The following NEGR1 variants were observed in gnomAD, a reference collection of about 807,000 sequenced individuals.
The protein encoded by NEGR1 is neuronal growth regulator 1.
NEGR1 carries 10 observed loss-of-function variants against 40.9 expected under a neutral mutation model. The ratio of observed to expected loss-of-function variants is 0.24; its 90% CI spans 0.15 to 0.42. The LOEUF is 0.42. Among genes scored for constraint, NEGR1 ranks in the 10% least tolerant of loss-of-function variants. NEGR1 has a pLI of 1.00. For synonymous variants in NEGR1, 185 were observed against 166.8 expected, an observed-to-expected ratio of 1.11 and a Z score of -0.84; for missense variants, 352 against 438.9, an observed-to-expected ratio of 0.80 and a Z score of 1.77.
At chr1:71,454,161 G>T (rs1646653176) in intron 6 of NEGR1, among the ~76,000 whole-genome samples, 1 of 152,058 alleles carries the variant, frequency 6.6e-6, no homozygotes, top group Non-Finnish European at 1.5e-5. Flanking sequence ...GCAACTCTCT[G>T]TTCATTGGCA....
intron 6 of NEGR1, chr1:71,486,832 T>C (rs1248129588): frequency 2.0e-5 from 3 of 151,562 alleles, no homozygotes; most frequent in African/African-American, 7.3e-5. Context: ...ATACTGTAAA[T>C]AATACCTAAC....
chr1:71,849,725 A>G (rs925765507), intron 2 of NEGR1, among the ~76,000 whole-genome samples: 2 of 152,148 alleles, frequency 1.3e-5, no homozygotes, highest in African/African-American at 4.8e-5. Context: ...AGTCACCCCA[A>G]CCTTCAGCAA....
intron 2 of NEGR1, among the ~76,000 whole-genome samples, chr1:71,848,473 C>T (rs1285667160): frequency 6.6e-6 from 1 of 152,150 alleles, no homozygotes; most frequent in Non-Finnish European, 1.5e-5. Context: ...ATTTACCATT[C>T]TGAAAATCCA....
intron 1 of NEGR1, among the ~76,000 whole-genome samples, chr1:71,968,351 G>A (rs534894751): frequency 3.0e-4 from 45 of 152,240 alleles, no homozygotes; most frequent in Middle Eastern, 3.4e-3. Context: ...AAACAACTTT[G>A]GGATATCAGA....
At chr1:71,924,963 G>A (rs1645758417) in intron 2 of NEGR1, among the ~76,000 whole-genome samples, 1 of 151,732 alleles carries the variant, frequency 6.6e-6, no homozygotes, top group Non-Finnish European at 1.5e-5. Context: ...CTAAGTCACA[G>A]CTTAAGCAAA....
chr1:71,917,024 G>A (rs1661604004), intron 2 of NEGR1, among the ~76,000 whole-genome samples: 2 of 152,180 alleles, frequency 1.3e-5, no homozygotes, highest in Admixed American at 6.5e-5. Flanking sequence ...AGTGTTTCCT[G>A]TGTGTGTATA....
In NEGR1 at chr1:72,175,978, C is replaced by T. The variant is rs188395641; in HGVS notation, c.176+106341G>A. Among the ~76,000 whole-genome samples the T allele has an allele frequency of 1.8e-3, 279 of 152,236 alleles. 3 individuals carry two copies. Among genetic ancestry groups the T allele is most frequent in the African/African-American group, 6.6e-3 (273 of 41,578 alleles). On this transcript the variant is annotated intron_variant, in intron 1 of 6. Coordinates refer to ENST00000357731, the MANE Select transcript of NEGR1 (RefSeq NM_173808.3). Reference sequence around the variant, plus strand: ...TGTCAGGGAAGTGAAGACTTATAAACACTGTAAGATACTTTGCAAGCCTTA... The same window carrying T: ...TGTCAGGGAAGTGAAGACTTATAAATACTGTAAGATACTTTGCAAGCCTTA...
At chr1:71,558,341 A>G (rs1264119923) in intron 6 of NEGR1, among the ~76,000 whole-genome samples, 1 of 151,600 alleles carries the variant, frequency 6.6e-6, no homozygotes, top group East Asian at 1.9e-4. Flanking sequence ...TATTGAGGAT[A>G]TACTGATATC....
chr1:71,860,252 G>A (rs1047096229), intron 2 of NEGR1, among the ~76,000 whole-genome samples: 5 of 151,260 alleles, frequency 3.3e-5, no homozygotes, highest in African/African-American at 4.9e-5. Flanking sequence ...GACAATATAC[G>A]CTTGCTTGCT....
chr1:72,224,684 CT>C (rs202096470), intron 1 of NEGR1, among the ~76,000 whole-genome samples: 33 of 148,978 alleles, frequency 2.2e-4, no homozygotes, highest in African/African-American at 5.6e-4. Context: ...TTTTCTTTAA[CT>C]TTTTTTTTTA....
chr1:71,444,438 G>A (rs1646567604), intron 6 of NEGR1, among the ~76,000 whole-genome samples: 1 of 151,972 alleles, frequency 6.6e-6, no homozygotes, highest in Non-Finnish European at 1.5e-5. Context: ...TATCCCAAGT[G>A]TGATGGGAAT....
chr1:71,721,379 T>C (rs2101653644), intron 3 of NEGR1, among the ~76,000 whole-genome samples: 1 of 152,284 alleles, frequency 6.6e-6, no homozygotes, highest in East Asian at 1.9e-4. Context: ...TCAGTAAATA[T>C]AAACTGAATG....
intron 6 of NEGR1, among the ~76,000 whole-genome samples, chr1:71,495,210 G>C (rs1439380636): frequency 6.6e-6 from 1 of 152,134 alleles, no homozygotes; most frequent in African/African-American, 2.4e-5. Context: ...CAGAAGTGGT[G>C]GCTCACGCCT....
At chr1:71,844,891 G>C (rs971607412) in intron 2 of NEGR1, among the ~76,000 whole-genome samples, 1 of 152,148 alleles carries the variant, frequency 6.6e-6, no homozygotes, top group African/African-American at 2.4e-5. Flanking sequence ...TGAACAGACA[G>C]GCCTGCCCAG....
At chr1:71,570,290 A>G (rs1648768784) in intron 6 of NEGR1, among the ~76,000 whole-genome samples, 6 of 152,168 alleles carry the variant, frequency 3.9e-5, no homozygotes, top group Admixed American at 3.9e-4. Context: ...TTATACCCCA[A>G]TGCCACAGGT....
At chr1:72,007,434 A>G (rs1646617537) in intron 1 of NEGR1, among the ~76,000 whole-genome samples, 1 of 151,576 alleles carries the variant, frequency 6.6e-6, no homozygotes, top group Non-Finnish European at 1.5e-5. Context: ...AACCTGACCA[A>G]TTTTCTGGGT....
intron 2 of NEGR1, among the ~76,000 whole-genome samples, chr1:71,785,104 C>T (rs1173241396): frequency 6.6e-6 from 1 of 152,152 alleles, no homozygotes; most frequent in Non-Finnish European, 1.5e-5. Context: ...CTCAGGCTTG[C>T]TTCAGTTTCA....
intron 2 of NEGR1, among the ~76,000 whole-genome samples, chr1:71,845,808 G>GT (rs1354978444): frequency 6.6e-6 from 1 of 151,778 alleles, no homozygotes; most frequent in Non-Finnish European, 1.5e-5. Flanking sequence ...CACTCATGCT[G>GT]AAGTGCAATG....
At chr1:72,217,864 T>C (rs12090045) in intron 1 of NEGR1, among the ~76,000 whole-genome samples, 6,926 of 151,884 alleles carry the variant, frequency 0.046, 505 homozygotes, top group African/African-American at 0.16. Context: ...GTACATATAA[T>C]AAGAAAAGTT....
Sources: gnomAD v4.1 joint callset for allele counts (sites outside exome capture counted in the v4.1 genomes callset) on GRCh38, gnomAD v4.1.1 for gene constraint, MANE v1.5 for transcripts, NCBI Gene and HGNC (gene_info 2026-07-23, HGNC 2026-07-21) for gene names.